The following HYCC1 variants were observed in gnomAD, a reference collection of about 807,000 sequenced individuals.
The protein encoded by HYCC1 is hyccin.
the HYCC1 span, chr7:22,943,538 T>C: frequency 1.3e-5 from 2 of 152,208 alleles, no homozygotes; most frequent in East Asian, 1.9e-4. Context: ...ATTACAGTGA[T>C]AGAACATGAA....
At chr7:23,002,027 A>C in the HYCC1 span, among the ~76,000 whole-genome samples, 4 of 151,194 alleles carry the variant, frequency 2.6e-5, no homozygotes, top group African/African-American at 9.7e-5. Context: ...ATATGTTTGA[A>C]ATTTTCTCTT....
the HYCC1 span, among the ~76,000 whole-genome samples, chr7:22,965,467 C>A: frequency 6.9e-6 from 1 of 144,252 alleles, no homozygotes; most frequent in African/African-American, 2.6e-5. Context: ...CTACCATAAA[C>A]AAAATGACAT....
chr7:22,926,705 G>C, the HYCC1 span, among the ~76,000 whole-genome samples: 3 of 151,176 alleles, frequency 2.0e-5, no homozygotes, highest in Admixed American at 6.6e-5. Context: ...GACCTACAAA[G>C]AGACTTAGAC....
the HYCC1 span, among the ~76,000 whole-genome samples, chr7:22,979,592 T>C: frequency 6.6e-6 from 1 of 152,172 alleles, no homozygotes; most frequent in Non-Finnish European, 1.5e-5. Flanking sequence ...GTTTTCAAAA[T>C]TTTCTTTGCG....
At chr7:22,960,163 T>C in the HYCC1 span, 2 of 1,304,034 alleles carry the variant, frequency 1.5e-6, no homozygotes, top group South Asian at 1.2e-5. Context: ...CAGATTACTA[T>C]TTACTGAAGT....
chr7:22,946,998 G>T, the HYCC1 span: 1 of 1,549,572 alleles, frequency 6.5e-7, no homozygotes, highest in Admixed American at 2.0e-5. Flanking sequence ...CACTCTGCCA[G>T]GTGAGTTTAT....
the HYCC1 span, chr7:22,936,601 T>A: frequency 6.6e-6 from 1 of 152,230 alleles, no homozygotes; most frequent in African/African-American, 2.4e-5. Flanking sequence ...TAGCTCCCAA[T>A]TTTTGTCACT....
the HYCC1 span, among the ~76,000 whole-genome samples, chr7:22,898,096 G>A: frequency 1.3e-5 from 2 of 152,078 alleles, no homozygotes; most frequent in African/African-American, 2.4e-5. Context: ...ACCCAGGCTG[G>A]AGTGCAGTGC....
At chr7:23,003,570 T>C in the HYCC1 span, among the ~76,000 whole-genome samples, 1 of 152,250 alleles carries the variant, frequency 6.6e-6, no homozygotes, top group Admixed American at 6.5e-5. Flanking sequence ...AAATATGGTT[T>C]CCAAAGCACA....
At chr7:22,993,838 T>C in the HYCC1 span, among the ~76,000 whole-genome samples, 3 of 152,176 alleles carry the variant, frequency 2.0e-5, no homozygotes, top group African/African-American at 4.8e-5. Context: ...GAAAACTCTT[T>C]AGCAATATCC....
the HYCC1 span, among the ~76,000 whole-genome samples, chr7:22,970,839 C>G: frequency 3.3e-5 from 5 of 152,154 alleles, no homozygotes; most frequent in African/African-American, 1.2e-4. Flanking sequence ...ATGCCTGGCT[C>G]CTCTGTTCAT....
the HYCC1 span, among the ~76,000 whole-genome samples, chr7:22,917,076 A>G: frequency 2.6e-5 from 4 of 152,202 alleles, no homozygotes; most frequent in Non-Finnish European, 5.9e-5. Context: ...GTCAGATCCC[A>G]TCGCTCAGGG....
At chr7:22,936,836 A>C in the HYCC1 span, 1 of 152,218 alleles carries the variant, frequency 6.6e-6, no homozygotes, top group Non-Finnish European at 1.5e-5. Flanking sequence ...CATGCTGTGC[A>C]ATACTGCTTG....
the HYCC1 span, among the ~76,000 whole-genome samples, chr7:22,981,840 T>C: frequency 6.6e-6 from 1 of 152,226 alleles, no homozygotes; most frequent in Non-Finnish European, 1.5e-5. Context: ...TAGTCATGTA[T>C]TTCAGATACA....
the HYCC1 span, among the ~76,000 whole-genome samples, chr7:22,901,172 G>A: frequency 8.4e-6 from 1 of 119,252 alleles, no homozygotes; most frequent in Non-Finnish European, 1.6e-5. Context: ...AGTAAGCCAT[G>A]ATTGCACCAC....
At chr7:22,910,857 T>C in the HYCC1 span, among the ~76,000 whole-genome samples, 1 of 132,578 alleles carries the variant, frequency 7.5e-6, no homozygotes, top group Non-Finnish European at 1.6e-5. Context: ...GCTTATTCTT[T>C]CTGAAATATG....
At chr7:22,952,112 TG>T in the HYCC1 span, among the ~76,000 whole-genome samples, 8 of 152,008 alleles carry the variant, frequency 5.3e-5, no homozygotes. Context: ...ATTTAGATGC[TG>T]GGGATACAAC....
chr7:22,921,260 T>C, the HYCC1 span, among the ~76,000 whole-genome samples: 38,404 of 152,070 alleles, frequency 0.25, 5,016 homozygotes, highest in East Asian at 0.48. Flanking sequence ...CTAAAACATA[T>C]AGAAATGAAT....
chr7:22,947,656 C>T, the HYCC1 span, among the ~76,000 whole-genome samples: 1 of 152,002 alleles, frequency 6.6e-6, no homozygotes, highest in Non-Finnish European at 1.5e-5. Flanking sequence ...GGCAAATGTT[C>T]AAGGATCTAC....
Sources: gnomAD v4.1 joint callset for allele counts (sites outside exome capture counted in the v4.1 genomes callset) on GRCh38, gnomAD v4.1.1 for gene constraint, MANE v1.5 for transcripts, NCBI Gene and HGNC (gene_info 2026-07-23, HGNC 2026-07-21) for gene names.